RRM2: variants seen among roughly 807,000 people sequenced by gnomAD.
RRM2 encodes the protein ribonucleotide reductase regulatory subunit M2, also known as ribonucleoside-diphosphate reductase subunit M2.
RRM2 carries 6 observed loss-of-function variants against 45.9 expected under a neutral mutation model. That is an observed-to-expected ratio of 0.13 (90% CI 0.07 to 0.26). The LOEUF is 0.26. Ranked by LOEUF, RRM2 falls within the 10% of genes least tolerant of loss-of-function variation. The probability of loss-of-function intolerance (pLI) is 1.00; values close to 1 mark genes in which losing one functional copy is unlikely to be tolerated. For synonymous variants in RRM2, 177 were observed against 173.0 expected (o/e 1.02, Z -0.18); for missense variants, 343 against 489.5 (o/e 0.70, Z 2.82).
At chr2:10,146,869 A>T (rs1466910952) in intron 3 of RRM2, among the ~76,000 whole-genome samples, 2 of 151,078 alleles carry the variant, frequency 1.3e-5, no homozygotes, top group African/African-American at 2.4e-5. Context: ...ATCCATTTTC[A>T]CTTTTTGTGT....
rs1558406744 is a variant in RRM2, at chr2:10,200,530, ACAAATTATGAGTCCCACAGGGACCGCGCG to A, written n.483-9779_483-9751del. ...TATGAGGCCCACAGGGACTGCGCGC[ACAAATTATGAGTCCCACAGGGACCGCGCG>A]CGCAAAATATGAGGCCCACAGGGAC... On this transcript the variant is annotated intron_variant and non_coding_transcript_variant, in intron 3 of 3. Coordinates refer to the RRM2 transcript ENST00000381786. Among the ~76,000 whole-genome samples the A allele has an allele frequency of 3.1e-3, 18 of 5,866 alleles. 1 individual carries two copies. The East Asian group carries it at 0.089, about 29-fold the overall frequency. The allele number at this position is 5,866 out of a possible 152,430, so 3.8% of individuals were successfully genotyped here. A position where few individuals can be genotyped will look rare whatever the true frequency, so the allele number is the denominator to read the frequency against.
chr2:10,162,453 CT>C (rs1663582530), intron 3 of RRM2, among the ~76,000 whole-genome samples: 1 of 152,088 alleles, frequency 6.6e-6, no homozygotes, highest in East Asian at 1.9e-4. Flanking sequence ...ACGTCTGGGC[CT>C]TGATTTCTCC....
At chr2:10,144,273 A>G (rs1225803241) in intron 3 of RRM2, among the ~76,000 whole-genome samples, 2 of 152,202 alleles carry the variant, frequency 1.3e-5, no homozygotes, top group African/African-American at 4.8e-5. Flanking sequence ...GCATCTCCTC[A>G]CACTCTTCCA....
intron 3 of RRM2, among the ~76,000 whole-genome samples, chr2:10,209,788 CAG>C (rs1664726583): frequency 6.6e-6 from 1 of 152,202 alleles, no homozygotes; most frequent in Admixed American, 6.5e-5. Flanking sequence ...AATCTGGGCT[CAG>C]TGAATCGGTG....
intron 3 of RRM2, among the ~76,000 whole-genome samples, chr2:10,178,066 T>C (rs1375459435): frequency 6.8e-6 from 1 of 147,684 alleles, no homozygotes; most frequent in Non-Finnish European, 1.5e-5. Context: ...GGACTACAGG[T>C]GCCCACCAAC....
At chr2:10,150,446 A>C (rs1466768629) in intron 3 of RRM2, among the ~76,000 whole-genome samples, 1 of 105,952 alleles carries the variant, frequency 9.4e-6, no homozygotes, top group Non-Finnish European at 1.9e-5. Flanking sequence ...ACTCTGCCTC[A>C]AAAAAAAAAA....
intron 3 of RRM2, among the ~76,000 whole-genome samples, chr2:10,154,845 C>CCT (rs1663393854): frequency 6.6e-6 from 1 of 151,654 alleles, no homozygotes; most frequent in African/African-American, 2.4e-5. Context: ...TACAGGCATG[C>CCT]GCCACCATGC....
chr2:10,190,264 TGG>T (rs1664263700), intron 3 of RRM2, among the ~76,000 whole-genome samples: 7 of 148,350 alleles, frequency 4.7e-5, no homozygotes, highest in Non-Finnish European at 1.5e-5. Context: ...GTGGTGGTGA[TGG>T]TGGTGGTGGT....
At chr2:10,157,218 C>T (rs528220425) in intron 3 of RRM2, among the ~76,000 whole-genome samples, 6 of 152,026 alleles carry the variant, frequency 3.9e-5, no homozygotes, top group South Asian at 2.1e-4. Flanking sequence ...TTAGTAGAGA[C>T]GGGGTTTCAC....
intron 3 of RRM2, among the ~76,000 whole-genome samples, chr2:10,177,714 C>CTTT (rs1663952433): frequency 6.8e-6 from 1 of 147,584 alleles, no homozygotes; most frequent in Admixed American, 6.8e-5. Flanking sequence ...TTCCTCTCTC[C>CTTT]CTCCCTCCCT....
intron 7 of RRM2, 120 bp from the exon 8 acceptor site, chr2:10,128,728 G>A: frequency 2.8e-6 from 2 of 709,950 alleles, no homozygotes; most frequent in Non-Finnish European, 2.5e-6. Context: ...GAGTTCAAGT[G>A]CTCTCAGTAT....
At chr2:10,133,899 C>A (rs1211145539), downstream of RRM2, among the ~76,000 whole-genome samples, 2 of 151,936 alleles carry the variant, frequency 1.3e-5, no homozygotes, top group African/African-American at 2.4e-5. Context: ...AATAGGTGGG[C>A]CGGGCATGGT....
chr2:10,122,882 C>G lies in RRM2; in HGVS notation c.84C>G (p.Val28=), dbSNP rs1046370529. 3 of 1,595,066 alleles carry G rather than the reference C, an allele frequency of 1.9e-6. No homozygotes were observed. Among genetic ancestry groups the G allele is most frequent in the Admixed American group, 1.8e-5 (1 of 57,048 alleles). Reference sequence around the variant, plus strand: ...CGCCGCTGAAGGGGCTCAGCTTGGTCGACAAGGAGAACACGGTGAGCCCGC... The same window carrying G: ...CGCCGCTGAAGGGGCTCAGCTTGGTGGACAAGGAGAACACGGTGAGCCCGC... ...QLSPLKGLSL[V]DKENTPPALS... is the part of the protein sequence containing the mutation. Residue 28 remains valine, a synonymous_variant, in exon 1 of 10, where the codon GTC becomes GTG. Transcript: ENST00000304567.
chr2:10,190,554 A>ATGG (rs1664278409), intron 3 of RRM2, among the ~76,000 whole-genome samples: 1 of 145,192 alleles, frequency 6.9e-6, no homozygotes, highest in South Asian at 2.3e-4. Context: ...GGTGGTGAGG[A>ATGG]TGGTGGTGGT....
Position 10,209,057 on chromosome 2 carries a change from C to CTT in RRM2, n.483-1239_483-1238dup, listed in dbSNP as rs1553330335. ...TCTTTCTTTCTTTCTTTCTTTCTTT[C>CTT]TTTTTTTTTTTTTTTTGAGATGAAG... On this transcript the variant is annotated intron_variant and non_coding_transcript_variant, in intron 3 of 3. Transcript: ENST00000381786. Among the ~76,000 whole-genome samples, 340 of 102,468 alleles carry CTT rather than the reference C, an allele frequency of 3.3e-3. 4 individuals are homozygous for CTT. Among genetic ancestry groups the CTT allele is most frequent in the African/African-American group, 0.012 (325 of 27,842 alleles). The allele number at this position is 102,468 out of a possible 152,430, so 67.2% of individuals were successfully genotyped here.
intron 3 of RRM2, among the ~76,000 whole-genome samples, chr2:10,202,785 G>T (rs1664591830): frequency 6.6e-6 from 1 of 152,154 alleles, no homozygotes; most frequent in Non-Finnish European, 1.5e-5. Flanking sequence ...ACTTAAAATG[G>T]CAGTGTTTGT....
chr2:10,122,686 C>A, upstream of RRM2: 1 of 1,550,724 alleles, frequency 6.4e-7, no homozygotes, highest in Non-Finnish European at 8.7e-7. Context: ...ATGGGAAGGG[C>A]CGGGAGCGCG....
At chr2:10,178,369 C>T (rs1348993309) in intron 3 of RRM2, among the ~76,000 whole-genome samples, 1 of 151,954 alleles carries the variant, frequency 6.6e-6, no homozygotes, top group African/African-American at 2.4e-5. Context: ...ACTACAGGCA[C>T]CTGCCACCAT....
intron 3 of RRM2, among the ~76,000 whole-genome samples, chr2:10,177,021 G>A (rs10199268): frequency 6.6e-6 from 1 of 152,110 alleles, no homozygotes; most frequent in Non-Finnish European, 1.5e-5. Context: ...CGAGGCGGGT[G>A]GATCACCTGA....
Sources: gnomAD v4.1 joint callset for allele counts (sites outside exome capture counted in the v4.1 genomes callset) on GRCh38, gnomAD v4.1.1 for gene constraint, MANE v1.5 for transcripts, NCBI Gene and HGNC (gene_info 2026-07-23, HGNC 2026-07-21) for gene names.